Variants in OR51B5 observed in about 807,000 individuals in gnomAD.
The protein encoded by OR51B5 is olfactory receptor family 51 subfamily B member 5.
For synonymous variants in OR51B5, 186 were observed against 144.8 expected (o/e 1.28, Z -2.04); for missense variants, 456 against 374.6 (o/e 1.22, Z -1.79).
intron 1 of OR51B5, chr11:5,393,359 G>A (rs1273799324): frequency 2.2e-5 from 3 of 135,570 alleles, no homozygotes; most frequent in Non-Finnish European, 3.2e-5. Flanking sequence ...TAAATGCTTA[G>A]GAAACTGTTG....
intron 1 of OR51B5, among the ~76,000 whole-genome samples, chr11:5,349,891 C>G (rs1589946160): frequency 6.6e-6 from 1 of 152,104 alleles, no homozygotes; most frequent in East Asian, 1.9e-4. Context: ...CTTTCCCTTT[C>G]CCACCCAGAC....
intron 1 of OR51B5, among the ~76,000 whole-genome samples, chr11:5,394,369 C>T (rs955659992): frequency 1.3e-5 from 2 of 152,092 alleles, no homozygotes; most frequent in Non-Finnish European, 2.9e-5. Flanking sequence ...TAACTATGCT[C>T]CACTGATTCA....
intron 1 of OR51B5, among the ~76,000 whole-genome samples, chr11:5,414,931 A>T (rs562050416): frequency 2.0e-5 from 3 of 152,172 alleles, no homozygotes; most frequent in Non-Finnish European, 4.4e-5. Flanking sequence ...GGACCTAATA[A>T]ACATCTACAG....
intron 1 of OR51B5, among the ~76,000 whole-genome samples, chr11:5,386,683 C>A (rs1459869949): frequency 6.6e-6 from 1 of 151,628 alleles, no homozygotes; most frequent in East Asian, 1.9e-4. Context: ...AGGAGCCTGG[C>A]TTTGCATGTT....
At chr11:5,415,280 G>T (rs1221988249) in intron 1 of OR51B5, among the ~76,000 whole-genome samples, 9 of 150,832 alleles carry the variant, frequency 6.0e-5, no homozygotes, top group Non-Finnish European at 1.3e-4. Flanking sequence ...AAAGCAGTGT[G>T]TAGAGGGAAA....
chr11:5,474,651 A>T (rs184541712), intron 1 of OR51B5, among the ~76,000 whole-genome samples: 1 of 152,302 alleles, frequency 6.6e-6, no homozygotes, highest in East Asian at 1.9e-4. Flanking sequence ...ATTCAAGTTG[A>T]CAAGATAATT....
At chr11:5,346,623 CAGA>C (rs142950670), upstream of OR51B5, among the ~76,000 whole-genome samples, 16,910 of 151,990 alleles carry the variant, frequency 0.11, 1,720 homozygotes, top group African/African-American at 0.28. Context: ...TCACTGAGTA[CAGA>C]AGGTCTTAGG....
At chr11:5,410,812 G>C (rs1012194583) in intron 1 of OR51B5, among the ~76,000 whole-genome samples, 1 of 150,388 alleles carries the variant, frequency 6.6e-6, no homozygotes, top group Non-Finnish European at 1.5e-5. Flanking sequence ...GTGTGTCCAT[G>C]TCTTAATTTT....
At chr11:5,433,065 A>G (rs2133770059) in intron 1 of OR51B5, among the ~76,000 whole-genome samples, 1 of 152,350 alleles carries the variant, frequency 6.6e-6, no homozygotes, top group South Asian at 2.1e-4. Context: ...AATGAAGGAT[A>G]TAAACATTTC....
intron 1 of OR51B5, among the ~76,000 whole-genome samples, chr11:5,356,874 C>A (rs1020441634): frequency 7.0e-6 from 1 of 143,054 alleles, no homozygotes; most frequent in African/African-American, 2.6e-5. Context: ...TCCAGCCAAA[C>A]TAAGCTTCAT....
chr11:5,477,040 C>T (rs571307391), intron 1 of OR51B5, among the ~76,000 whole-genome samples: 21 of 152,054 alleles, frequency 1.4e-4, no homozygotes, highest in Admixed American at 3.9e-4. Context: ...TAAAATGTGC[C>T]GAGAGGGTAG....
At chr11:5,447,480 C>T (rs907031441) in intron 1 of OR51B5, among the ~76,000 whole-genome samples, 22 of 152,188 alleles carry the variant, frequency 1.4e-4, no homozygotes, top group African/African-American at 5.3e-4. Flanking sequence ...GACTATGTTA[C>T]TATCTGCTGG....
At chr11:5,384,147 T>A (rs12365474) in intron 1 of OR51B5, among the ~76,000 whole-genome samples, 29,240 of 152,080 alleles carry the variant, frequency 0.19, 3,101 homozygotes, top group African/African-American at 0.29. Context: ...TGGGATTTTT[T>A]TTTCTTTGTT....
chr11:5,355,699 G>C (rs1372103708), intron 1 of OR51B5: 1 of 151,520 alleles, frequency 6.6e-6, no homozygotes, highest in Non-Finnish European at 1.5e-5. Context: ...TAAAAGTTAT[G>C]TTTTCAGTGG....
chr11:5,440,987 C>T lies in OR51B5; in HGVS notation n.84+64582G>A, dbSNP rs138147374. 9.4e-5 allele frequency: 151 copies of T among 1,613,886 alleles called. No individual in the cohort carries two copies. The African/African-American group carries it at 1.6e-3, about 17-fold the overall frequency. ...CTGGATGGAGACAGTAGGAGTGATG[C>T]AAAACATTGCCTTTGCAGAAGGGCA... is the stretch of plus-strand genomic sequence containing the variant. On this transcript the variant is annotated intron_variant and non_coding_transcript_variant, in intron 1 of 4. Coordinates refer to the OR51B5 transcript ENST00000415970.
At chr11:5,478,320 C>T (rs1283067894) in intron 1 of OR51B5, among the ~76,000 whole-genome samples, 1 of 151,212 alleles carries the variant, frequency 6.6e-6, no homozygotes, top group Admixed American at 6.6e-5. Flanking sequence ...AGAAGGAAAA[C>T]TAACAAACAG....
At chr11:5,460,787 A>G (rs1383470730) in intron 1 of OR51B5, among the ~76,000 whole-genome samples, 3 of 152,182 alleles carry the variant, frequency 2.0e-5, no homozygotes, top group Admixed American at 6.5e-5. Context: ...GATGATTTAA[A>G]TGTGATATAA....
intron 1 of OR51B5, chr11:5,505,257 G>C (rs1267434765): frequency 1.6e-6 from 2 of 1,230,588 alleles, no homozygotes; most frequent in East Asian, 1.2e-4. Context: ...TAGGTTTTTT[G>C]TTTTTTTCCT....
intron 1 of OR51B5, among the ~76,000 whole-genome samples, chr11:5,477,801 G>A (rs1400461505): frequency 1.3e-5 from 2 of 152,186 alleles, no homozygotes; most frequent in African/African-American, 4.8e-5. Context: ...GCGCTTTTCG[G>A]ACTGGCTTAA....
Sources: allele counts gnomAD v4.1 joint callset (sites outside exome capture counted in the v4.1 genomes callset), GRCh38; gene constraint gnomAD v4.1.1; transcripts MANE v1.5; gene names NCBI Gene and HGNC (gene_info 2026-07-23, HGNC 2026-07-21).